TNS3: variants seen among roughly 807,000 people sequenced by gnomAD.
TNS3 encodes tensin 3.
TNS3 carries 45 observed loss-of-function variants against 140.9 expected under a neutral mutation model. The ratio of observed to expected loss-of-function variants is 0.32; its 90% CI spans 0.25 to 0.41. The LOEUF (loss-of-function observed/expected upper bound fraction) is 0.41. Ranked by LOEUF, TNS3 falls within the 10% of genes least tolerant of loss-of-function variation. The pLI is 1.00. For synonymous variants in TNS3, 815 were observed against 788.4 expected (o/e 1.03, Z -0.56); for missense variants, 1,716 against 1,906.7 (o/e 0.90, Z 1.86).
chr7:47,453,724 C>T (rs763826139), intron 4 of TNS3, among the ~76,000 whole-genome samples: 8 of 152,210 alleles, frequency 5.3e-5, no homozygotes, highest in African/African-American at 9.6e-5. Context: ...AGGCACCAGA[C>T]GGTTCTGAGT....
chr7:47,495,849 A>G (rs1797988106), intron 3 of TNS3, among the ~76,000 whole-genome samples: 1 of 152,184 alleles, frequency 6.6e-6, no homozygotes, highest in South Asian at 2.1e-4. Flanking sequence ...CAGCTCCCCA[A>G]CTGCAGCACA....
chr7:47,485,114 C>A (rs924111074), intron 3 of TNS3, among the ~76,000 whole-genome samples: 4 of 152,172 alleles, frequency 2.6e-5, no homozygotes, highest in African/African-American at 9.6e-5. Context: ...TGTGCGGTGG[C>A]ATGGCCAGGA....
At chr7:47,279,649 CCAAGAT>C (rs1383654311) in intron 30 of TNS3, 2 of 158,644 alleles carry the variant, frequency 1.3e-5, no homozygotes, top group African/African-American at 4.8e-5. Flanking sequence ...TTGCAGTGAG[CCAAGAT>C]CGCGCCACTG....
intron 16 of TNS3, among the ~76,000 whole-genome samples, chr7:47,379,701 T>A (rs998965188): frequency 6.6e-6 from 1 of 152,176 alleles, no homozygotes; most frequent in Non-Finnish European, 1.5e-5. Context: ...GCTCCCTTGG[T>A]GCATCAGTCT....
At chr7:47,400,719 A>G (rs1793107766) in intron 14 of TNS3, 66 bp downstream of exon 14, 1 of 1,588,388 alleles carries the variant, frequency 6.3e-7, no homozygotes, top group Middle Eastern at 1.7e-4. Context: ...GGATAGTGAA[A>G]GAATCAACCA....
intron 20 of TNS3, among the ~76,000 whole-genome samples, chr7:47,324,903 C>T (rs1787945334): frequency 6.6e-6 from 1 of 152,058 alleles, no homozygotes; most frequent in Non-Finnish European, 1.5e-5. Context: ...TCAATTGTCA[C>T]CAAGATATCC....
intron 17 of TNS3, among the ~76,000 whole-genome samples, chr7:47,364,601 C>T (rs1397933071): frequency 6.6e-6 from 1 of 152,176 alleles, no homozygotes. Flanking sequence ...ATCCAAAAGC[C>T]TGCCATGCAG....
At chr7:47,396,225 TG>T (rs1237133575) in intron 16 of TNS3, among the ~76,000 whole-genome samples, 1 of 152,190 alleles carries the variant, frequency 6.6e-6, no homozygotes, top group Non-Finnish European at 1.5e-5. Flanking sequence ...AGCACACAGC[TG>T]CCCCTTCCTT....
intron 20 of TNS3, among the ~76,000 whole-genome samples, chr7:47,333,270 T>A (rs577975794): frequency 6.6e-6 from 1 of 152,346 alleles, no homozygotes; most frequent in East Asian, 1.9e-4. Context: ...TTCTTTTTCA[T>A]GTTGTTCATC....
At chr7:47,485,629 T>A (rs1158642295) in intron 3 of TNS3, among the ~76,000 whole-genome samples, 2 of 152,216 alleles carry the variant, frequency 1.3e-5, no homozygotes, top group Non-Finnish European at 2.9e-5. Context: ...CCAAAAGCCA[T>A]GGGCTGTGGC....
At chr7:47,303,662 C>T (rs549875858) in intron 21 of TNS3, 78 bp from the exon 22 acceptor site, 31 of 1,464,316 alleles carry the variant, frequency 2.1e-5, no homozygotes, top group Non-Finnish European at 2.4e-5. Context: ...GTCACCCACA[C>T]GGGAAGACAG....
intron 20 of TNS3, among the ~76,000 whole-genome samples, chr7:47,323,410 G>A (rs528575468): frequency 6.6e-6 from 1 of 152,206 alleles, no homozygotes; most frequent in African/African-American, 2.4e-5. Context: ...AAGAAATCCA[G>A]AGATGAAGGA....
chr7:47,362,098 C>A (rs1183778115), intron 17 of TNS3, among the ~76,000 whole-genome samples: 2 of 152,178 alleles, frequency 1.3e-5, no homozygotes, highest in Non-Finnish European at 2.9e-5. Context: ...GGGGCGGGGA[C>A]AATGAGCCTG....
At chr7:47,480,906 TAA>T (rs969021264) in intron 4 of TNS3, among the ~76,000 whole-genome samples, 195 bp downstream of exon 4, 8 of 152,154 alleles carry the variant, frequency 5.3e-5, no homozygotes, top group Non-Finnish European at 1.2e-4. Context: ...TCCTCTTCTC[TAA>T]AAAACCATGC....
intron 28 of TNS3, among the ~76,000 whole-genome samples, chr7:47,282,270 C>A (rs1309842000): frequency 6.6e-6 from 1 of 150,698 alleles, no homozygotes; most frequent in Non-Finnish European, 1.5e-5. Context: ...CCTGGGTGAG[C>A]CATGCAGCTG....
chr7:47,473,129 GCTAA>G (rs750035720), intron 4 of TNS3, among the ~76,000 whole-genome samples: 49 of 152,286 alleles, frequency 3.2e-4, no homozygotes, highest in Middle Eastern at 6.8e-3. Flanking sequence ...GTATGCACAG[GCTAA>G]CTAAACACCA....
intron 13 of TNS3, 108 bp downstream of exon 13, chr7:47,411,619 T>G (rs1349736694): frequency 8.2e-7 from 1 of 1,214,742 alleles, no homozygotes; most frequent in African/African-American, 1.5e-5. Context: ...TACAGGGTAC[T>G]TTTTTTGGGG....
upstream of TNS3, chr7:47,582,307 C>T (rs543483783): frequency 6.7e-5 from 26 of 389,112 alleles, no homozygotes; most frequent in Admixed American, 2.1e-4. Context: ...TGCCGAGGTG[C>T]GCCCTGGGAC....
At chr7:47,469,092 G>A (rs910309185) in intron 4 of TNS3, among the ~76,000 whole-genome samples, 5 of 152,092 alleles carry the variant, frequency 3.3e-5, no homozygotes, top group Non-Finnish European at 5.9e-5. Context: ...ACTAACCCAA[G>A]GTAGATTACA....
Sources: gnomAD v4.1 joint callset for allele counts (sites outside exome capture counted in the v4.1 genomes callset) on GRCh38, gnomAD v4.1.1 for gene constraint, MANE v1.5 for transcripts, NCBI Gene and HGNC (gene_info 2026-07-23, HGNC 2026-07-21) for gene names.